PTPRG: variants seen among roughly 807,000 people sequenced by gnomAD.
PTPRG encodes protein tyrosine phosphatase receptor type G.
A neutral mutation model predicts 165.3 loss-of-function variants in PTPRG; 102 were observed. That is an observed-to-expected ratio of 0.62 (90% CI 0.53 to 0.73). The LOEUF (loss-of-function observed/expected upper bound fraction) is 0.73. Ranked by LOEUF, PTPRG falls within the 30% of genes least tolerant of loss-of-function variation. The probability of loss-of-function intolerance (pLI) is 0.00; values close to 1 mark genes in which losing one functional copy is unlikely to be tolerated. For missense variants in PTPRG, 1,866 were observed against 1,861.4 expected, an observed-to-expected ratio of 1.00 and a Z score of -0.05; for synonymous variants, 675 against 669.5, an observed-to-expected ratio of 1.01 and a Z score of -0.13.
At chr3:61,589,754 T>G (rs1700521589) in intron 1 of PTPRG, among the ~76,000 whole-genome samples, 1 of 150,230 alleles carries the variant, frequency 6.7e-6, no homozygotes, top group African/African-American at 2.5e-5. Flanking sequence ...AGTTGTCGGG[T>G]GGATGGATGA....
intron 4 of PTPRG, among the ~76,000 whole-genome samples, chr3:62,076,967 T>C (rs1478808616): frequency 6.6e-6 from 1 of 152,234 alleles, no homozygotes; most frequent in Non-Finnish European, 1.5e-5. Flanking sequence ...TGTTCTGCTT[T>C]TTGAATAAGA....
chr3:62,173,658 C>A (rs1189573289), intron 8 of PTPRG, among the ~76,000 whole-genome samples: 1 of 152,196 alleles, frequency 6.6e-6, no homozygotes, highest in South Asian at 2.1e-4. Flanking sequence ...GGTAACCACC[C>A]ACTTACACTT....
intron 1 of PTPRG, among the ~76,000 whole-genome samples, chr3:61,567,965 C>A (rs866934568): frequency 2.0e-3 from 247 of 124,106 alleles, no homozygotes; most frequent in African/African-American, 2.6e-3. Flanking sequence ...GACCCTGCCT[C>A]AAAAAAAAAA....
chr3:61,887,385 A>G (rs2038080822), intron 2 of PTPRG, among the ~76,000 whole-genome samples: 1 of 152,060 alleles, frequency 6.6e-6, no homozygotes, highest in African/African-American at 2.4e-5. Flanking sequence ...CTAAGAATAA[A>G]GAGTCCAGCA....
At chr3:62,081,256 C>CAAAAAAA (rs748197071) in intron 5 of PTPRG, among the ~76,000 whole-genome samples, 1 of 85,484 alleles carries the variant, frequency 1.2e-5, no homozygotes, top group Non-Finnish European at 2.2e-5. Flanking sequence ...GACTCCGTCT[C>CAAAAAAA]AAAACAAACA....
At chr3:62,055,223 A>G (rs1335521328) in intron 4 of PTPRG, among the ~76,000 whole-genome samples, 1 of 152,246 alleles carries the variant, frequency 6.6e-6, no homozygotes, top group Non-Finnish European at 1.5e-5. Context: ...ATATAGGACT[A>G]TTATTATACC....
At position 62,195,761 on chromosome 3, in the gene PTPRG, C is replaced by T. The variant is rs1377745845; in HGVS notation, c.1327+591C>T. Among the ~76,000 whole-genome samples, 1 of 152,028 alleles carries T rather than the reference C, an allele frequency of 6.6e-6. No homozygotes were observed. Among genetic ancestry groups the T allele is most frequent in the Admixed American group, 6.6e-5 (1 of 15,256 alleles). On this transcript the variant is annotated intron_variant, in intron 10 of 29. Transcript: ENST00000474889. The surrounding 1 kb of genome is among the most constrained non-coding windows in gnomAD (Gnocchi z 4.4). The stretch of plus-strand genomic sequence containing the variant: ...TAAGGGGCACCAAAAAATTGAGTGA[C>T]CAAGAGACATAACATTTTAGTGGGA...
intron 1 of PTPRG, among the ~76,000 whole-genome samples, chr3:61,564,657 T>C (rs77911574): frequency 0.016 from 2,379 of 152,282 alleles, 36 homozygotes; most frequent in African/African-American, 0.045. Context: ...AGTTAAAATA[T>C]CAGAGCTCTG....
At chr3:61,630,837 C>T (rs1434909092) in intron 1 of PTPRG, among the ~76,000 whole-genome samples, 3 of 152,056 alleles carry the variant, frequency 2.0e-5, no homozygotes, top group African/African-American at 7.2e-5. Context: ...GCGGGCAGAT[C>T]ATGAGGTCAG....
At chr3:62,085,320 T>A (rs1701715678) in intron 5 of PTPRG, among the ~76,000 whole-genome samples, 1 of 132,170 alleles carries the variant, frequency 7.6e-6, no homozygotes, top group Admixed American at 6.9e-5. Context: ...TCAAGGACAT[T>A]GAACATGAAG....
intron 17 of PTPRG, 32 bp from the exon 18 acceptor site, chr3:62,267,378 T>C: frequency 1.4e-6 from 2 of 1,479,666 alleles, no homozygotes; most frequent in Non-Finnish European, 1.9e-6. Context: ...ATTATCCATT[T>C]TATTTCTGTT....
intron 1 of PTPRG, among the ~76,000 whole-genome samples, chr3:61,568,025 C>G (rs1699962082): frequency 1.3e-5 from 2 of 149,936 alleles, no homozygotes; most frequent in South Asian, 4.2e-4. Context: ...AACCATCTTA[C>G]TTGGAAACAA....
At chr3:61,577,796 C>G (rs1268645906) in intron 1 of PTPRG, among the ~76,000 whole-genome samples, 1 of 152,198 alleles carries the variant, frequency 6.6e-6, no homozygotes, top group African/African-American at 2.4e-5. Context: ...CCTGTTTTCT[C>G]TTCCCTACCC....
chr3:61,817,291 A>T (rs1294328232), intron 2 of PTPRG, among the ~76,000 whole-genome samples: 1 of 142,194 alleles, frequency 7.0e-6, no homozygotes, highest in Non-Finnish European at 1.5e-5. Context: ...AATCACTGAA[A>T]TTTTTTTTTA....
chr3:61,749,219 C>T (rs2033336216), intron 2 of PTPRG: 1 of 615,754 alleles, frequency 1.6e-6, no homozygotes, highest in Non-Finnish European at 3.0e-6. Flanking sequence ...TATTTCTGAA[C>T]TTTACTGTTA....
chr3:62,178,995 T>G (rs1263616568), intron 8 of PTPRG, among the ~76,000 whole-genome samples: 1 of 152,150 alleles, frequency 6.6e-6, no homozygotes, highest in African/African-American at 2.4e-5. Flanking sequence ...TGCGAGACAT[T>G]GGTGTGCCTC....
chr3:62,074,180 A>AGAGTGT (rs1553713353), intron 4 of PTPRG, among the ~76,000 whole-genome samples: 56 of 143,688 alleles, frequency 3.9e-4, no homozygotes, highest in African/African-American at 1.2e-3. Context: ...AAAAAGTGAG[A>AGAGTGT]GTGTGTGTGT....
chr3:62,021,016 C>T (rs920100895), intron 4 of PTPRG, among the ~76,000 whole-genome samples: 1 of 152,050 alleles, frequency 6.6e-6, no homozygotes, highest in Non-Finnish European at 1.5e-5. Flanking sequence ...GGCCCTTGAG[C>T]CAGATCCCTG....
At chr3:61,904,939 T>C (rs1470054399) in intron 2 of PTPRG, among the ~76,000 whole-genome samples, 4 of 151,998 alleles carry the variant, frequency 2.6e-5, no homozygotes, top group African/African-American at 9.7e-5. Flanking sequence ...AAAAGTAATG[T>C]TGTAAATGGG....
Sources: gnomAD v4.1 joint callset for allele counts (sites outside exome capture counted in the v4.1 genomes callset) on GRCh38, gnomAD v4.1.1 for gene constraint, Gnocchi (gnomAD v3.1) non-coding constraint, MANE v1.5 for transcripts, NCBI Gene and HGNC (gene_info 2026-07-23, HGNC 2026-07-21) for gene names.